ADAMTSL1: variants seen among roughly 807,000 people sequenced by gnomAD.
ADAMTSL1 encodes ADAMTS-like protein 1.
Under a neutral mutation model 201.8 loss-of-function variants are expected in ADAMTSL1, and 126 were observed. That is an observed-to-expected ratio of 0.62 (90% CI 0.54 to 0.72). ADAMTSL1 has a LOEUF of 0.72. ADAMTSL1 is among the 30% of genes least tolerant of loss of function. ADAMTSL1 has a pLI of 0.00. For missense variants in ADAMTSL1, 2,679 were observed against 2,277.8 expected (o/e 1.18, Z -3.59); for synonymous variants, 1,121 against 903.4 (o/e 1.24, Z -4.32).
At chr9:18,691,828 A>C (rs1831237424) in intron 13 of ADAMTSL1, among the ~76,000 whole-genome samples, 1 of 152,162 alleles carries the variant, frequency 6.6e-6, no homozygotes, top group South Asian at 2.1e-4. Flanking sequence ...TCTGAGGTTT[A>C]AGTTAATCTG....
chr9:18,609,203 C>A (rs1168987010), intron 4 of ADAMTSL1, among the ~76,000 whole-genome samples: 1 of 152,154 alleles, frequency 6.6e-6, no homozygotes, highest in East Asian at 1.9e-4. Context: ...CCTGAATTAA[C>A]TCTGAAAAAT....
chr9:18,248,029 AT>A (rs531529569), intron 2 of ADAMTSL1, among the ~76,000 whole-genome samples: 148 of 152,256 alleles, frequency 9.7e-4, no homozygotes, highest in South Asian at 2.3e-3. Flanking sequence ...TCTGTGGTTC[AT>A]TCAAAAGGTT....
chr9:18,426,863 A>G (rs1173475067), intron 2 of ADAMTSL1, among the ~76,000 whole-genome samples: 2 of 152,226 alleles, frequency 1.3e-5, no homozygotes. Context: ...AATGAAGAAC[A>G]GGGAACAGTT....
chr9:17,974,789 C>G (rs1051914730), intron 1 of ADAMTSL1, among the ~76,000 whole-genome samples: 2 of 152,010 alleles, frequency 1.3e-5, no homozygotes, highest in Non-Finnish European at 2.9e-5. Context: ...CTGTTGAACA[C>G]TTAGGTTGTT....
chr9:18,610,654 C>G (rs1394340786), intron 4 of ADAMTSL1, among the ~76,000 whole-genome samples: 1 of 152,082 alleles, frequency 6.6e-6, no homozygotes, highest in Non-Finnish European at 1.5e-5. Flanking sequence ...TGAGAGGTAA[C>G]CAGGTAAGAG....
At chr9:18,306,348 C>T (rs181138464) in intron 2 of ADAMTSL1, among the ~76,000 whole-genome samples, 30 of 152,198 alleles carry the variant, frequency 2.0e-4, no homozygotes, top group Middle Eastern at 3.4e-3. Flanking sequence ...ATGAGTTTGA[C>T]GAATTGACAG....
At chr9:18,594,036 T>G (rs1420792822) in intron 4 of ADAMTSL1, among the ~76,000 whole-genome samples, 1 of 152,178 alleles carries the variant, frequency 6.6e-6, no homozygotes, top group East Asian at 1.9e-4. Context: ...TTTTTTGTTT[T>G]TTTGTTGTTT....
chr9:18,127,708 C>A (rs1055189944), intron 1 of ADAMTSL1, among the ~76,000 whole-genome samples: 3 of 151,970 alleles, frequency 2.0e-5, no homozygotes, highest in African/African-American at 7.3e-5. Flanking sequence ...AGGTTAGTGA[C>A]CTTGGGAATG....
At chr9:18,305,056 G>C (rs1281355760) in intron 2 of ADAMTSL1, among the ~76,000 whole-genome samples, 6 of 152,100 alleles carry the variant, frequency 3.9e-5, no homozygotes, top group African/African-American at 1.4e-4. Context: ...CCCATGGATG[G>C]GGAGCTGAAG....
intron 16 of ADAMTSL1, among the ~76,000 whole-genome samples, chr9:18,756,978 T>G (rs989225723): frequency 6.6e-6 from 1 of 152,254 alleles, no homozygotes; most frequent in African/African-American, 2.4e-5. Context: ...TTACACATTC[T>G]GCAGGTCCGG....
chr9:18,425,512 A>G (rs1389305602), intron 2 of ADAMTSL1, among the ~76,000 whole-genome samples: 1 of 152,174 alleles, frequency 6.6e-6, no homozygotes, highest in Non-Finnish European at 1.5e-5. Flanking sequence ...AACTCTGGTT[A>G]AGTATAGTTC....
At chr9:18,509,554 C>G (rs929233481) in intron 2 of ADAMTSL1, among the ~76,000 whole-genome samples, 1 of 152,148 alleles carries the variant, frequency 6.6e-6, no homozygotes, top group Non-Finnish European at 1.5e-5. Flanking sequence ...GTTGGCTGAT[C>G]TAGACTGGCT....
chr9:18,829,050 A>G (rs928879376), intron 22 of ADAMTSL1, among the ~76,000 whole-genome samples: 5 of 152,016 alleles, frequency 3.3e-5, no homozygotes, highest in African/African-American at 9.7e-5. Flanking sequence ...GGAAGAGGGG[A>G]AAAGGGATCT....
chr9:18,665,434 T>G (rs1240798909), intron 9 of ADAMTSL1, among the ~76,000 whole-genome samples: 2 of 152,128 alleles, frequency 1.3e-5, no homozygotes, highest in Non-Finnish European at 2.9e-5. Flanking sequence ...TCACTGCATG[T>G]GATTGTGTCC....
chr9:18,835,463 G>C (rs1825256171), intron 23 of ADAMTSL1, among the ~76,000 whole-genome samples: 1 of 152,002 alleles, frequency 6.6e-6, no homozygotes, highest in Non-Finnish European at 1.5e-5. Context: ...AGAAGATTTT[G>C]ATTTTGATGA....
chr9:18,146,974 C>T (rs1826671378), intron 1 of ADAMTSL1, among the ~76,000 whole-genome samples: 1 of 152,076 alleles, frequency 6.6e-6, no homozygotes, highest in African/African-American at 2.4e-5. Flanking sequence ...TCCTTTTAGA[C>T]TCTATCTCTT....
At chr9:17,958,574 T>C (rs1828017056) in intron 1 of ADAMTSL1, among the ~76,000 whole-genome samples, 1 of 152,198 alleles carries the variant, frequency 6.6e-6, no homozygotes, top group African/African-American at 2.4e-5. Context: ...AAATGTTCTT[T>C]TCCTCTATTT....
chr9:18,568,327 A>G (rs997587784), intron 3 of ADAMTSL1, among the ~76,000 whole-genome samples: 1 of 152,200 alleles, frequency 6.6e-6, no homozygotes, highest in Non-Finnish European at 1.5e-5. Flanking sequence ...AAATATGTAA[A>G]AGAGGCAGCC....
chr9:18,433,851 C>CAT (rs1239002634), intron 2 of ADAMTSL1, among the ~76,000 whole-genome samples: 2 of 152,134 alleles, frequency 1.3e-5, no homozygotes, highest in Non-Finnish European at 2.9e-5. Flanking sequence ...TATGTCCTGA[C>CAT]ATATAGAAAA....
Sources: gnomAD v4.1 joint callset for allele counts (sites outside exome capture counted in the v4.1 genomes callset) on GRCh38, gnomAD v4.1.1 for gene constraint, MANE v1.5 for transcripts, NCBI Gene and HGNC (gene_info 2026-07-23, HGNC 2026-07-21) for gene names.